Variants in POU6F2 observed in about 807,000 individuals in gnomAD.
POU6F2 encodes POU domain, class 6, transcription factor 2.
A neutral mutation model predicts 71.3 loss-of-function variants in POU6F2; 31 were observed. That is an observed-to-expected ratio of 0.43 (90% confidence interval 0.33 to 0.59). The LOEUF (loss-of-function observed/expected upper bound fraction) is 0.59. Among genes scored for constraint, POU6F2 ranks in the 20% least tolerant of loss-of-function variants. The pLI is 0.04. For missense variants in POU6F2, 783 were observed against 856.8 expected (o/e 0.91, Z 1.07); for synonymous variants, 347 against 355.7 (o/e 0.98, Z 0.27).
intron 2 of POU6F2, among the ~76,000 whole-genome samples, chr7:39,124,334 C>T (rs180897823): frequency 1.5e-4 from 23 of 152,216 alleles, no homozygotes; most frequent in Middle Eastern, 3.4e-3. Flanking sequence ...CATAAGCCAC[C>T]GCACCCAGCT....
At chr7:38,983,321 T>C (rs73369712) in intron 1 of POU6F2, among the ~76,000 whole-genome samples, 3,577 of 152,130 alleles carry the variant, frequency 0.024, 142 homozygotes, top group African/African-American at 0.082. Context: ...AACCTGGATT[T>C]ATGTTCTTTT....
rs1049036170 is a variant in POU6F2, at chr7:39,464,613, G to A, written c.2090G>A (p.Arg697His). The A allele has an allele frequency of 1.3e-5, 21 of 1,609,836 alleles. No homozygotes were observed. The highest frequency in any genetic ancestry group is 1.6e-4 in the Middle Eastern group (1 of 6,082). Residue 697 changes from arginine to histidine, a missense_variant, in exon 10 of 10, where the codon CGC (arginine) becomes CAC (histidine). By Grantham distance (29) the Arg-to-His change is conservative (BLOSUM62 0). This residue lies in a region of POU6F2 where 211 missense variants were observed against 283.9 expected (regional missense o/e 0.74). Coordinates refer to ENST00000518318, the MANE Select transcript of POU6F2 (RefSeq NM_001370959.1). This position sits in a 1 kb window ranked among gnomAD's most constrained non-coding sequence, Gnocchi z 4.1. ...CAAGCCCTGAAGAACACAATTAAAC[G>A]CTTAAAACAGCACGAGCCGGCCACG... is the stretch of plus-strand genomic sequence containing the variant. ...KRQALKNTIK[R>H]LKQHEPATAV...
intron 1 of POU6F2, among the ~76,000 whole-genome samples, chr7:39,068,486 C>CATAT (rs1212479557): frequency 9.8e-6 from 1 of 101,632 alleles, no homozygotes; most frequent in East Asian, 8.1e-4. Context: ...ACACCTAGTA[C>CATAT]ATGCATATAT....
At chr7:39,374,198 C>T (rs573340147) in intron 5 of POU6F2, among the ~76,000 whole-genome samples, 1 of 152,310 alleles carries the variant, frequency 6.6e-6, no homozygotes, top group East Asian at 1.9e-4. Flanking sequence ...ATGCCAAGCA[C>T]TTGTCAAAAA....
At chr7:39,010,176 TATTG>T (rs1205795707) in intron 1 of POU6F2, among the ~76,000 whole-genome samples, 5 of 137,442 alleles carry the variant, frequency 3.6e-5, no homozygotes, top group African/African-American at 1.3e-4. Context: ...GTTGGTAAGC[TATTG>T]ATTATTGCCA....
intron 1 of POU6F2, among the ~76,000 whole-genome samples, chr7:39,045,152 C>T (rs977161160): frequency 6.6e-6 from 1 of 151,932 alleles, no homozygotes. Context: ...ATAGTACACT[C>T]CTCTATCAGT....
chr7:39,339,413 A>G (rs955840704), intron 4 of POU6F2, among the ~76,000 whole-genome samples: 5 of 152,166 alleles, frequency 3.3e-5, no homozygotes, highest in South Asian at 2.1e-4. Flanking sequence ...TTTTAAAGTA[A>G]TGCCTGATGT....
At chr7:39,114,098 T>G (rs4723824) in intron 2 of POU6F2, among the ~76,000 whole-genome samples, 6 of 151,994 alleles carry the variant, frequency 3.9e-5, no homozygotes, top group African/African-American at 1.5e-4. Flanking sequence ...CATGTACCTA[T>G]AGGTAAACAT....
chr7:39,068,341 G>T (rs1040099037), intron 1 of POU6F2, among the ~76,000 whole-genome samples: 31 of 151,982 alleles, frequency 2.0e-4, no homozygotes, highest in African/African-American at 7.3e-4. Context: ...CACTGTCCAA[G>T]ACCTAGTTGG....
intron 4 of POU6F2, among the ~76,000 whole-genome samples, chr7:39,301,165 C>A (rs1431027775): frequency 6.6e-6 from 1 of 152,130 alleles, no homozygotes; most frequent in Non-Finnish European, 1.5e-5. Context: ...TCTTTGCTAT[C>A]CTGTAAAGCT....
intron 5 of POU6F2, among the ~76,000 whole-genome samples, chr7:39,352,177 T>C (rs1462338609): frequency 1.3e-5 from 2 of 152,226 alleles, no homozygotes; most frequent in Non-Finnish European, 2.9e-5. Flanking sequence ...TCTACAAAAC[T>C]GAAACACCAG....
intron 2 of POU6F2, among the ~76,000 whole-genome samples, chr7:39,106,960 C>T (rs751812827): frequency 1.3e-5 from 2 of 151,686 alleles, no homozygotes; most frequent in Non-Finnish European, 2.9e-5. Context: ...TGATTTTTGA[C>T]CATTGGTAAT....
At position 39,195,833 on chromosome 7, in the gene POU6F2, A is replaced by G. The variant is rs545609205; in HGVS notation, c.278-8402A>G. On this transcript the variant is annotated intron_variant, in intron 2 of 9. Coordinates refer to ENST00000518318, the MANE Select transcript of POU6F2 (RefSeq NM_001370959.1). ...AGCGTTCTCTAGCCTTGCCATTTCCACATCACAGTACTGTAATGCAGGTAG... is the reference window on the plus strand; with the variant it reads ...AGCGTTCTCTAGCCTTGCCATTTCCGCATCACAGTACTGTAATGCAGGTAG... Among the ~76,000 whole-genome samples, 3 of 152,198 alleles carry G rather than the reference A, an allele frequency of 2.0e-5. No homozygotes were observed. In the South Asian group the frequency reaches 6.2e-4, roughly 32 times the overall value.
At chr7:39,113,214 G>GT (rs910474622) in intron 2 of POU6F2, among the ~76,000 whole-genome samples, 36 of 152,028 alleles carry the variant, frequency 2.4e-4, no homozygotes, top group East Asian at 7.7e-4. Flanking sequence ...AAAGTGCTCT[G>GT]TTTTTTTCGT....
In POU6F2 at chr7:39,018,344, A is replaced by G. The variant is rs556228797; in HGVS notation, c.105+40286A>G. Among the ~76,000 whole-genome samples, 18 of 152,302 alleles carry G rather than the reference A, an allele frequency of 1.2e-4. No individual in the cohort carries two copies. The South Asian group carries it at 3.5e-3, about 30-fold the overall frequency. ...TGATTCTGATTGGTTTGCAGAGCATACAAGCCCACCCTCTAGTTACTGTGT... is the reference window on the plus strand; with the variant it reads ...TGATTCTGATTGGTTTGCAGAGCATGCAAGCCCACCCTCTAGTTACTGTGT... On this transcript the variant is annotated intron_variant, in intron 1 of 9. Coordinates refer to ENST00000518318, the MANE Select transcript of POU6F2 (RefSeq NM_001370959.1).
At chr7:39,044,396 T>A (rs945915954) in intron 1 of POU6F2, among the ~76,000 whole-genome samples, 3 of 151,970 alleles carry the variant, frequency 2.0e-5, no homozygotes, top group African/African-American at 7.2e-5. Flanking sequence ...ATTATAGATA[T>A]ATTTTATGTA....
chr7:39,364,032 T>C (rs899694418), intron 5 of POU6F2, among the ~76,000 whole-genome samples: 2 of 152,126 alleles, frequency 1.3e-5, no homozygotes, highest in African/African-American at 2.4e-5. Context: ...AAACTTCCTA[T>C]TTATATCTTA....
chr7:39,404,729 T>C (rs1292856043), intron 5 of POU6F2: 1 of 152,094 alleles, frequency 6.6e-6, no homozygotes, highest in Non-Finnish European at 1.5e-5. Context: ...ATTGTACCAA[T>C]GGGCAGTGTC....
chr7:39,054,179 C>T (rs563443011), intron 1 of POU6F2, among the ~76,000 whole-genome samples: 30 of 152,100 alleles, frequency 2.0e-4, no homozygotes, highest in Non-Finnish European at 4.1e-4. Flanking sequence ...TTTTTAGTAT[C>T]AAAACTACCA....
Sources: gnomAD v4.1 joint callset for allele counts (sites outside exome capture counted in the v4.1 genomes callset) on GRCh38, gnomAD v4.1.1 for gene constraint, gnomAD v4.1.1 regional missense constraint, Gnocchi (gnomAD v3.1) non-coding constraint, MANE v1.5 for transcripts, NCBI Gene and HGNC (gene_info 2026-07-23, HGNC 2026-07-21) for gene names.